Variants in ITGA8 observed in about 807,000 individuals in gnomAD.
ITGA8 encodes integrin subunit alpha 8, also known as integrin alpha-8.
A neutral mutation model predicts 142.3 loss-of-function variants in ITGA8; 91 were observed. That is an observed-to-expected ratio of 0.64 (90% CI 0.54 to 0.76). The LOEUF (loss-of-function observed/expected upper bound fraction) is 0.76, where lower values mean the gene tolerates loss of function less well. ITGA8 is among the 30% of genes least tolerant of loss of function. ITGA8 has a pLI of 0.00. For synonymous variants in ITGA8, 505 were observed against 485.2 expected, an observed-to-expected ratio of 1.04 and a Z score of -0.54; for missense variants, 1,406 against 1,327.7, an observed-to-expected ratio of 1.06 and a Z score of -0.92.
chr10:15,605,910 C>T (rs1278321981), intron 18 of ITGA8, 119 bp from the exon 19 acceptor site: 1 of 843,928 alleles, frequency 1.2e-6, no homozygotes, highest in Admixed American at 2.1e-5. Context: ...CTATGCATGA[C>T]TCTACCCAAG....
intron 27 of ITGA8, among the ~76,000 whole-genome samples, chr10:15,532,109 C>T (rs887843569): frequency 3.3e-5 from 5 of 152,004 alleles, no homozygotes; most frequent in African/African-American, 9.7e-5. Context: ...TGGCTAGATG[C>T]TAATAGCACC....
At chr10:15,572,460 A>G in intron 24 of ITGA8, 91 bp from the exon 25 acceptor site, 1 of 1,205,276 alleles carries the variant, frequency 8.3e-7, no homozygotes, top group South Asian at 1.7e-5. Context: ...TTTAGAAAGC[A>G]TGTATTATTG....
At chr10:15,544,355 C>G (rs1588635023) in intron 27 of ITGA8, among the ~76,000 whole-genome samples, 1 of 151,982 alleles carries the variant, frequency 6.6e-6, no homozygotes, top group Admixed American at 6.6e-5. Flanking sequence ...CCCATAAAAA[C>G]AAATAACTTG....
Position 15,519,370 on chromosome 10 carries a change from A to C in ITGA8, c.3025T>G (p.Ser1009Ala). ...AGTATTATTACCCATAATGGGATTG[A>C]GAAGGAAACATTCGGAGTTGCCCAA... ...VIWATPNVSF[S>A]IPLWVIILAI... Residue 1009 changes from serine to alanine, a missense_variant, in exon 29 of 30, where the codon TCA becomes GCA. Ser to Ala is a moderately conservative substitution (Grantham distance 99). Coordinates refer to ENST00000378076, the MANE Select transcript of ITGA8 (RefSeq NM_003638.3). 1 of 1,613,732 alleles carries C rather than the reference A, an allele frequency of 6.2e-7. No individual in the cohort carries two copies. The highest frequency in any genetic ancestry group is 8.5e-7 in the Non-Finnish European group (1 of 1,179,734).
intron 2 of ITGA8, among the ~76,000 whole-genome samples, chr10:15,694,424 A>ATCATATATCAGATAATATG (rs1311421671): frequency 2.9e-5 from 4 of 137,844 alleles, no homozygotes; most frequent in Non-Finnish European, 6.0e-5. Context: ...CAGATAATAT[A>ATCATATATCAGATAATATG]TCATATATAT....
At chr10:15,687,788 G>C (rs1834858173) in intron 3 of ITGA8, 150 bp downstream of exon 3, 2 of 535,080 alleles carry the variant, frequency 3.7e-6, no homozygotes, top group Middle Eastern at 2.8e-4. Context: ...TTAATTTTAA[G>C]CATTTAGTTG....
intron 14 of ITGA8, among the ~76,000 whole-genome samples, chr10:15,615,623 C>G (rs1271751774): frequency 1.3e-5 from 2 of 152,168 alleles, no homozygotes; most frequent in South Asian, 2.1e-4. Flanking sequence ...AAGTGATTCT[C>G]ATGCCTCAGC....
intron 13 of ITGA8, among the ~76,000 whole-genome samples, chr10:15,635,918 TACACACACACAC>T (rs4030579): frequency 1.6e-4 from 23 of 143,128 alleles, no homozygotes; most frequent in African/African-American, 5.5e-4. Flanking sequence ...TTGCTTATAC[TACACACACACAC>T]ACACACACAC....
chr10:15,525,435 G>A (rs1269734365), intron 28 of ITGA8, among the ~76,000 whole-genome samples: 1 of 151,922 alleles, frequency 6.6e-6, no homozygotes, highest in Admixed American at 6.6e-5. Context: ...CTGAGGTCAG[G>A]AATTCAAGAC....
intron 23 of ITGA8, among the ~76,000 whole-genome samples, chr10:15,584,890 C>T (rs1189036512): frequency 6.6e-6 from 1 of 152,028 alleles, no homozygotes; most frequent in Non-Finnish European, 1.5e-5. Context: ...AACCCTGTCT[C>T]TACTAAAAAT....
intron 2 of ITGA8, among the ~76,000 whole-genome samples, chr10:15,717,250 T>A (rs1347924108): frequency 4.6e-5 from 7 of 152,208 alleles, no homozygotes; most frequent in Admixed American, 4.6e-4. Flanking sequence ...TGAAAACACA[T>A]CAACCATGTC....
At chr10:15,639,722 A>G (rs558565563) in intron 13 of ITGA8, among the ~76,000 whole-genome samples, 25 of 152,372 alleles carry the variant, frequency 1.6e-4, no homozygotes, top group Middle Eastern at 3.4e-3. Flanking sequence ...GCACACCAGA[A>G]TCACCAGGGT....
At chr10:15,659,123 A>T (rs942748852) in intron 9 of ITGA8, 68 bp from the exon 10 acceptor site, 1 of 1,052,056 alleles carries the variant, frequency 9.5e-7, no homozygotes, top group East Asian at 2.6e-5. Flanking sequence ...TAAAAACTAC[A>T]ACTTGAATCA....
At chr10:15,609,509 T>C (rs186491676) in intron 15 of ITGA8, among the ~76,000 whole-genome samples, 2 of 152,302 alleles carry the variant, frequency 1.3e-5, no homozygotes, top group Admixed American at 6.5e-5. Flanking sequence ...GGGTAAATAA[T>C]TTGCCACATA....
At chr10:15,664,131 T>C in intron 8 of ITGA8, among the ~76,000 whole-genome samples, 1 of 152,280 alleles carries the variant, frequency 6.6e-6, no homozygotes, top group East Asian at 1.9e-4. Context: ...ACAATACTAT[T>C]AGCTCATCAT....
Position 15,593,164 on chromosome 10 carries a change from C to T in ITGA8, c.2212-860G>A, listed in dbSNP as rs144132307. 4.4e-4 allele frequency among the ~76,000 whole-genome samples: 67 copies of T among 152,296 alleles called. No homozygotes were observed. In the East Asian group the frequency reaches 0.012, roughly 28 times the overall value. The stretch of plus-strand genomic sequence containing the variant: ...GAATAATATGTTCTAGTTGAGGTTA[C>T]AGTTACATGGATTACTTTTTCCTTT... On this transcript the variant is annotated intron_variant, in intron 21 of 29. Transcript: ENST00000378076.
At chr10:15,700,712 A>C (rs1306791571) in intron 2 of ITGA8, among the ~76,000 whole-genome samples, 1 of 152,150 alleles carries the variant, frequency 6.6e-6, no homozygotes, top group East Asian at 1.9e-4. Flanking sequence ...AACTCGAACA[A>C]ATCAGCAAGA....
At chr10:15,717,703 T>G (rs1382394136) in intron 2 of ITGA8, among the ~76,000 whole-genome samples, 1 of 152,266 alleles carries the variant, frequency 6.6e-6, no homozygotes, top group East Asian at 1.9e-4. Flanking sequence ...TTCAAGGTAA[T>G]GCTTGTATAG....
At chr10:15,691,372 T>C (rs1834930578) in intron 2 of ITGA8, among the ~76,000 whole-genome samples, 1 of 152,180 alleles carries the variant, frequency 6.6e-6, no homozygotes. Flanking sequence ...AATCAGCATA[T>C]TGAAAATATA....
Sources: allele counts gnomAD v4.1 joint callset (sites outside exome capture counted in the v4.1 genomes callset), GRCh38; gene constraint gnomAD v4.1.1; transcripts MANE v1.5; gene names NCBI Gene and HGNC (gene_info 2026-07-23, HGNC 2026-07-21).